CA10: variants seen among roughly 807,000 people sequenced by gnomAD.
CA10 encodes the protein carbonic anhydrase 10 (inactive), also known as carbonic anhydrase-related protein 10.
Under a neutral mutation model 44.2 loss-of-function variants are expected in CA10, and 14 were observed. That is an observed-to-expected ratio of 0.32 (90% CI 0.21 to 0.50). The LOEUF is 0.50. CA10 is among the 20% of genes least tolerant of loss of function. The pLI is 0.99. For synonymous variants in CA10, 159 were observed against 141.6 expected, an observed-to-expected ratio of 1.12 and a Z score of -0.87; for missense variants, 350 against 409.7, an observed-to-expected ratio of 0.85 and a Z score of 1.26.
intron 8 of CA10, 121 bp from the exon 9 acceptor site, chr17:51,631,727 C>A (rs1597950040): frequency 1.2e-6 from 1 of 836,190 alleles, no homozygotes; most frequent in Non-Finnish European, 2.0e-6. Context: ...TTTGTAAATG[C>A]CTGCTTACTT....
intron 3 of CA10, among the ~76,000 whole-genome samples, chr17:51,757,299 A>T (rs776315816): frequency 6.6e-6 from 1 of 152,190 alleles, no homozygotes; most frequent in Non-Finnish European, 1.5e-5. Context: ...TTAGTACCAA[A>T]AACTGGAGTC....
intron 1 of CA10, among the ~76,000 whole-genome samples, chr17:52,107,627 A>G (rs1015136391): frequency 1.1e-4 from 17 of 152,030 alleles, no homozygotes; most frequent in Non-Finnish European, 1.8e-4. Flanking sequence ...TTTGGGGGGG[A>G]AAATAAAATG....
intron 3 of CA10, among the ~76,000 whole-genome samples, chr17:51,850,197 A>G (rs1978727908): frequency 6.6e-6 from 1 of 152,244 alleles, no homozygotes; most frequent in Non-Finnish European, 1.5e-5. Context: ...AGGTGCCTGG[A>G]AAAGCATTTC....
chr17:51,865,475 A>G (rs1408325033), intron 3 of CA10, among the ~76,000 whole-genome samples: 3 of 152,316 alleles, frequency 2.0e-5, no homozygotes, highest in East Asian at 1.9e-4. Context: ...TTGAAAAGAC[A>G]TTTATAGTGC....
In CA10 at chr17:52,062,771, T is replaced by A. The variant is rs553979234; in HGVS notation, c.136+9548A>T. Among the ~76,000 whole-genome samples the A allele has an allele frequency of 2.0e-5, 3 of 152,300 alleles. No individual in the cohort carries two copies. The East Asian group carries it at 5.8e-4, about 29-fold the overall frequency. On this transcript the variant is annotated intron_variant, in intron 2 of 8. Transcript: ENST00000451037. ...TGCCAAGCCTGTAGATTTCAGAGGATGTATTGGAAAGCCTGGGTGCCCAGG... is the reference window on the plus strand; with the variant it reads ...TGCCAAGCCTGTAGATTTCAGAGGAAGTATTGGAAAGCCTGGGTGCCCAGG...
chr17:51,814,508 T>G (rs73989408), intron 3 of CA10, among the ~76,000 whole-genome samples: 3,974 of 152,298 alleles, frequency 0.026, 153 homozygotes, highest in African/African-American at 0.083. Flanking sequence ...TAAAGGCTGT[T>G]GTAAGTCCTG....
intron 4 of CA10, among the ~76,000 whole-genome samples, chr17:51,741,555 G>GA (rs1206583109): frequency 2.6e-5 from 4 of 151,964 alleles, no homozygotes; most frequent in Admixed American, 2.0e-4. Flanking sequence ...GAATTTCAGG[G>GA]AAAAAAATGC....
chr17:51,780,403 T>C (rs1275978604), intron 3 of CA10, among the ~76,000 whole-genome samples: 1 of 152,154 alleles, frequency 6.6e-6, no homozygotes, highest in Non-Finnish European at 1.5e-5. Flanking sequence ...ATTTTCCGAG[T>C]CTTGGCTTCC....
chr17:51,846,092 G>A (rs1425180658), intron 3 of CA10, among the ~76,000 whole-genome samples: 1 of 152,234 alleles, frequency 6.6e-6, no homozygotes, highest in Non-Finnish European at 1.5e-5. Flanking sequence ...TCACCATGGA[G>A]CAGAGAAAAT....
At chr17:52,127,434 G>A (rs1474491824) in intron 1 of CA10, among the ~76,000 whole-genome samples, 1 of 152,112 alleles carries the variant, frequency 6.6e-6, no homozygotes, top group Non-Finnish European at 1.5e-5. Context: ...TTTCTCCAGG[G>A]TATACACTGA....
At chr17:51,855,613 G>C (rs141847580) in intron 3 of CA10, among the ~76,000 whole-genome samples, 1 of 152,176 alleles carries the variant, frequency 6.6e-6, no homozygotes, top group Non-Finnish European at 1.5e-5. Context: ...AAAATGAAAA[G>C]CTACACACAG....
At chr17:51,831,667 A>AAGTAGCAGCAGCAGCAGC in intron 3 of CA10, among the ~76,000 whole-genome samples, 1 of 127,412 alleles carries the variant, frequency 7.8e-6, no homozygotes, top group East Asian at 2.4e-4. Context: ...AGAAAAGAAA[A>AAGTAGCAGCAGCAGCAGC]AGCAGCAGCA....
At chr17:51,715,125 C>G (rs1916058521) in intron 4 of CA10, among the ~76,000 whole-genome samples, 1 of 152,038 alleles carries the variant, frequency 6.6e-6, no homozygotes, top group East Asian at 1.9e-4. Flanking sequence ...GACAAAAAAC[C>G]AAACACCTCA....
intron 4 of CA10, among the ~76,000 whole-genome samples, chr17:51,687,897 G>A (rs916260549): frequency 1.3e-5 from 2 of 152,148 alleles, no homozygotes; most frequent in Non-Finnish European, 2.9e-5. Context: ...AATGATTCTT[G>A]CCACCTGATA....
Position 52,153,705 on chromosome 17 carries a change from C to T in CA10, c.61+4021G>A, listed in dbSNP as rs557248622. On this transcript the variant is annotated intron_variant, in intron 1 of 8. Coordinates refer to ENST00000451037, the MANE Select transcript of CA10 (RefSeq NM_020178.5). ...CTTGCTGATGATGGTTTTCTTTTTG[C>T]TTTTAAACAAGTTGATATGGAAAAA... Among the ~76,000 whole-genome samples the T allele has an allele frequency of 1.1e-4, 17 of 152,172 alleles. 1 individual carries two copies. The Middle Eastern group carries it at 0.027, about 244-fold the overall frequency.
chr17:51,938,638 A>G (rs984214562), intron 2 of CA10, among the ~76,000 whole-genome samples: 3 of 152,102 alleles, frequency 2.0e-5, no homozygotes, highest in Admixed American at 2.0e-4. Context: ...TTATTTGTGC[A>G]GCAGCAGCTT....
intron 3 of CA10, among the ~76,000 whole-genome samples, chr17:51,892,919 CATT>C (rs772579376): frequency 2.0e-5 from 3 of 152,108 alleles, no homozygotes; most frequent in Non-Finnish European, 2.9e-5. Context: ...TCAAACTTCT[CATT>C]ATGTGTCAAA....
At chr17:52,154,054 T>C (rs538956835) in intron 1 of CA10, among the ~76,000 whole-genome samples, 2 of 152,320 alleles carry the variant, frequency 1.3e-5, no homozygotes, top group East Asian at 3.9e-4. Flanking sequence ...GACAGGGTAA[T>C]GTACAACTCA....
At chr17:51,919,598 A>G (rs767855535) in intron 3 of CA10, among the ~76,000 whole-genome samples, 2 of 152,110 alleles carry the variant, frequency 1.3e-5, no homozygotes, top group Non-Finnish European at 2.9e-5. Context: ...TTTGTTGCCT[A>G]TGTTTAAGAG....
Sources: gnomAD v4.1 joint callset for allele counts (sites outside exome capture counted in the v4.1 genomes callset) on GRCh38, gnomAD v4.1.1 for gene constraint, MANE v1.5 for transcripts, NCBI Gene and HGNC (gene_info 2026-07-23, HGNC 2026-07-21) for gene names.